CFAP299: variants seen among roughly 807,000 people sequenced by gnomAD.
The protein encoded by CFAP299 is cilia and flagella associated protein 299.
CFAP299 carries 21 observed loss-of-function variants against 27.0 expected under a neutral mutation model. The observed-to-expected ratio is 0.78, with a 90% CI of 0.55 to 1.12. The LOEUF (loss-of-function observed/expected upper bound fraction) is 1.12. CFAP299 is among the 50% of genes most tolerant of loss of function. The pLI is 0.00. For synonymous variants in CFAP299, 104 were observed against 98.1 expected (o/e 1.06, Z -0.36); for missense variants, 310 against 276.6 (o/e 1.12, Z -0.86).
At chr4:80,877,380 T>C (rs1011194587) in intron 4 of CFAP299, among the ~76,000 whole-genome samples, 1 of 152,204 alleles carries the variant, frequency 6.6e-6, no homozygotes, top group African/African-American at 2.4e-5. Context: ...AAACTAGGAC[T>C]AACAATTCCT....
chr4:80,654,122 G>A (rs1280002885), intron 3 of CFAP299, among the ~76,000 whole-genome samples: 2 of 152,110 alleles, frequency 1.3e-5, no homozygotes, highest in Admixed American at 1.3e-4. Context: ...CGGTACTGGG[G>A]AATGATGGGC....
intron 3 of CFAP299, among the ~76,000 whole-genome samples, chr4:80,717,695 T>A (rs770340633): frequency 2.0e-5 from 3 of 152,118 alleles, no homozygotes; most frequent in Non-Finnish European, 4.4e-5. Context: ...GTCAAGAATG[T>A]TTTACATTCA....
chr4:80,806,557 C>T (rs574599558), intron 3 of CFAP299, among the ~76,000 whole-genome samples: 5 of 152,276 alleles, frequency 3.3e-5, no homozygotes, highest in Admixed American at 3.3e-4. Context: ...ACAAACAAAC[C>T]AGCAAACATC....
chr4:80,851,555 G>T (rs1731522511), intron 3 of CFAP299, among the ~76,000 whole-genome samples: 1 of 152,110 alleles, frequency 6.6e-6, no homozygotes, highest in Admixed American at 6.6e-5. Context: ...GAACTGAAAG[G>T]TATAGAAGAA....
In CFAP299 at chr4:80,506,837, A is replaced by T. The variant is rs748647627; in HGVS notation, c.243-76256A>T. Among the ~76,000 whole-genome samples the T allele has an allele frequency of 5.3e-4, 80 of 152,244 alleles. 1 individual carries two copies. Among genetic ancestry groups the T allele is most frequent in the South Asian group, 1.5e-3 (7 of 4,822 alleles). On this transcript the variant is annotated intron_variant, in intron 2 of 5. Transcript: ENST00000358105. ...AGGTGTGAGTTATTGTCAGTGTTCT[A>T]GTTGTAAGGTTAGTTAAGTTTATGG...
At chr4:80,331,187 G>A (rs1721927350), upstream of CFAP299, among the ~76,000 whole-genome samples, 1 of 152,162 alleles carries the variant, frequency 6.6e-6, no homozygotes, top group Non-Finnish European at 1.5e-5. Flanking sequence ...AGCAGCAAAA[G>A]AAGTGGAGGC....
At chr4:80,495,382 G>T (rs1731382718) in intron 2 of CFAP299, among the ~76,000 whole-genome samples, 1 of 152,026 alleles carries the variant, frequency 6.6e-6, no homozygotes, top group South Asian at 2.1e-4. Flanking sequence ...GCCAATTCTT[G>T]GTTACTGTAA....
chr4:80,593,905 TC>T (rs1365229235), intron 3 of CFAP299, among the ~76,000 whole-genome samples: 1 of 151,902 alleles, frequency 6.6e-6, no homozygotes, highest in Non-Finnish European at 1.5e-5. Context: ...TTTCTTGCAG[TC>T]CAAATTTTCT....
chr4:80,862,778 A>G (rs1287272058), intron 3 of CFAP299, among the ~76,000 whole-genome samples: 2 of 152,058 alleles, frequency 1.3e-5, no homozygotes, highest in African/African-American at 2.4e-5. Flanking sequence ...TGTGAATTGT[A>G]TGAATAGTGA....
chr4:80,429,646 G>A (rs930786861), intron 2 of CFAP299, among the ~76,000 whole-genome samples: 10 of 152,074 alleles, frequency 6.6e-5, no homozygotes, highest in African/African-American at 2.4e-4. Flanking sequence ...TTAAGAACAT[G>A]AGCATGCTAT....
chr4:80,350,499 G>A (rs1322995256), intron 1 of CFAP299, among the ~76,000 whole-genome samples: 1 of 152,124 alleles, frequency 6.6e-6, no homozygotes, highest in African/African-American at 2.4e-5. Flanking sequence ...GTTTATTGCA[G>A]TACTATTTAC....
At chr4:80,387,740 T>A in intron 2 of CFAP299, 1 of 1,586,862 alleles carries the variant, frequency 6.3e-7, no homozygotes, top group Non-Finnish European at 8.6e-7. Context: ...TGGCTTCAGA[T>A]GTGCTGCTGC....
chr4:80,353,888 T>C (rs897067528), intron 1 of CFAP299, among the ~76,000 whole-genome samples: 7 of 152,144 alleles, frequency 4.6e-5, no homozygotes, highest in African/African-American at 1.7e-4. Flanking sequence ...TCTTTTGGAA[T>C]AAAAAAACTT....
intron 2 of CFAP299, among the ~76,000 whole-genome samples, chr4:80,430,626 TC>T (rs918000287): frequency 1.3e-5 from 2 of 152,092 alleles, no homozygotes; most frequent in Non-Finnish European, 2.9e-5. Flanking sequence ...ATCAGATCTC[TC>T]CCCTAAACGC....
At chr4:80,916,296 T>TATATATATA (rs1578236267) in intron 4 of CFAP299, among the ~76,000 whole-genome samples, 318 of 130,468 alleles carry the variant, frequency 2.4e-3, no homozygotes, top group Non-Finnish European at 3.4e-3. Context: ...TATATATATA[T>TATATATATA]TTCAGGTACA....
At chr4:80,472,715 A>G (rs1222563395) in intron 2 of CFAP299, among the ~76,000 whole-genome samples, 1 of 152,146 alleles carries the variant, frequency 6.6e-6, no homozygotes, top group Non-Finnish European at 1.5e-5. Context: ...ATTTTCACTT[A>G]TCACCCTCCC....
intron 2 of CFAP299, among the ~76,000 whole-genome samples, chr4:80,407,633 G>C (rs1367168001): frequency 6.6e-6 from 1 of 152,062 alleles, no homozygotes; most frequent in African/African-American, 2.4e-5. Flanking sequence ...TGATGCAAAG[G>C]GTGAAGAAAT....
chr4:80,466,279 G>A (rs1180858941), intron 2 of CFAP299, among the ~76,000 whole-genome samples: 1 of 152,020 alleles, frequency 6.6e-6, no homozygotes, highest in African/African-American at 2.4e-5. Flanking sequence ...GATCTTTCTA[G>A]AACCTTTTTA....
chr4:80,330,559 C>T, the CFAP299 span, among the ~76,000 whole-genome samples: 2 of 152,090 alleles, frequency 1.3e-5, no homozygotes, highest in East Asian at 3.9e-4. Flanking sequence ...ATTCAGAGTC[C>T]CAGCTCCCCA....
Sources: gnomAD v4.1 joint callset for allele counts (sites outside exome capture counted in the v4.1 genomes callset) on GRCh38, gnomAD v4.1.1 for gene constraint, MANE v1.5 for transcripts, NCBI Gene and HGNC (gene_info 2026-07-23, HGNC 2026-07-21) for gene names.